GFAP: variants seen among roughly 807,000 people sequenced by gnomAD.
GFAP encodes the protein intermediate filament protein.
GFAP carries 38 observed loss-of-function variants against 49.3 expected under a neutral mutation model. That is an observed-to-expected ratio of 0.77 (90% CI 0.60 to 1.01). GFAP has a LOEUF of 1.01. Ranked by LOEUF, GFAP falls within the 50% of genes least tolerant of loss-of-function variation. The pLI is 0.00. For missense variants in GFAP, 463 were observed against 579.1 expected (o/e 0.80, Z 2.06); for synonymous variants, 222 against 236.4 (o/e 0.94, Z 0.56).
chr17:44,907,561 A>G, intron 8 of GFAP, 173 bp from the exon 9 acceptor site: 1 of 684,638 alleles, frequency 1.5e-6, no homozygotes, highest in Non-Finnish European at 2.7e-6. Flanking sequence ...GTGAGATAAC[A>G]CTGGGAAAGC....
intron 4 of GFAP, chr17:44,912,627 C>T (rs1444566444): frequency 6.3e-6 from 1 of 158,010 alleles, no homozygotes; most frequent in Non-Finnish European, 1.4e-5. Flanking sequence ...ATGGCCCTCC[C>T]TTCTTCTCTT....
At chr17:44,911,647 C>G in intron 5 of GFAP, 25 bp downstream of exon 5, 2 of 1,609,434 alleles carry the variant, frequency 1.2e-6, no homozygotes, top group Non-Finnish European at 8.5e-7. Context: ...TCCGCCCGTC[C>G]CCGTCCTGCC....
Position 44,904,585 on chromosome 17 carries a change from C to G in GFAP, c.*2762G>C. 1 of 1,550,566 alleles carries G rather than the reference C, an allele frequency of 6.4e-7. No homozygotes were observed. Among genetic ancestry groups the G allele is most frequent in the Non-Finnish European group, 8.7e-7 (1 of 1,146,986 alleles). ...AGAAGACAAAGACCATCCGGGAGGG[C>G]GTGCTGGCCATCATTAACTATGTGT... On this transcript the variant is annotated 3_prime_UTR_variant, in exon 9 of 9. Coordinates refer to ENST00000588735, the MANE Select transcript of GFAP (RefSeq NM_002055.5).
chr17:44,911,526 C>T, intron 5 of GFAP, 70 bp from the exon 6 acceptor site: 3 of 1,542,530 alleles, frequency 1.9e-6, no homozygotes, highest in Non-Finnish European at 2.6e-6. Context: ...GCCCGGCCCC[C>T]GGCCCCAGGC....
intron 1 of GFAP, 147 bp from the exon 2 acceptor site, chr17:44,914,235 A>C: frequency 1.6e-6 from 1 of 639,494 alleles, no homozygotes; most frequent in Non-Finnish European, 2.8e-6. Flanking sequence ...GGGGGGCCTT[A>C]GACAGAGGAC....
At chr17:44,912,626 CCTT>C (rs1401336507) in intron 4 of GFAP, 2 of 157,874 alleles carry the variant, frequency 1.3e-5, no homozygotes, top group Non-Finnish European at 2.8e-5. Flanking sequence ...AATGGCCCTC[CCTT>C]CTTCTCTTCC....
rs751465158 is a variant in GFAP, at chr17:44,911,382, C to G, written c.981G>C (p.Ala327=). 6 of 1,613,946 alleles carry G rather than the reference C, an allele frequency of 3.7e-6. No homozygotes were observed. In the African/African-American group the frequency reaches 8.0e-5, roughly 22 times the overall value. The change falls in exon 6 of 9, where the codon GCG becomes GCC. Residue 327 remains alanine (A), a synonymous_variant. Transcript: ENST00000588735. ...GCCCCTCTTCCTCCAGCCGCGCCAG[C>G]GCCTCCTGATAACTGGCCGCCTCCC... The part of the protein sequence containing the change: ...HVREAASYQE[A]LARLEEEGQS...
intron 1 of GFAP, 162 bp downstream of exon 1, chr17:44,914,864 T>C (rs1833944887): frequency 1.5e-6 from 1 of 652,310 alleles, no homozygotes; most frequent in Admixed American, 2.7e-5. Context: ...CTGTTTCTGG[T>C]CCCTCCCATC....
intron 8 of GFAP, chr17:44,907,659 C>T: frequency 1.7e-6 from 1 of 581,214 alleles, no homozygotes; most frequent in Non-Finnish European, 3.1e-6. Context: ...TACGCCAAAT[C>T]CCCTCTTCCC....
chr17:44,903,419 C>T lies in GFAP; in HGVS notation c.*3928G>A. ...CAGGAGGGTGGGTTTCCTTCATCCC[C>T]CAGGTTGATGAAAGACTTTTCCACC... is the stretch of plus-strand genomic sequence containing the variant. On this transcript the variant is annotated 3_prime_UTR_variant, in exon 9 of 9. Coordinates refer to ENST00000588735, the MANE Select transcript of GFAP (RefSeq NM_002055.5). The T allele has an allele frequency of 8.0e-7, 1 of 1,252,504 alleles. No homozygotes were observed. The allele number at this position is 1,252,504 out of a possible 1,614,324, so 77.6% of individuals were successfully genotyped here. A position where few individuals can be genotyped will look rare whatever the true frequency, so the allele number is the denominator to read the frequency against.
Position 44,903,847 on chromosome 17 carries a change from C to T in GFAP, c.*3500G>A. On this transcript the variant is annotated 3_prime_UTR_variant, in exon 9 of 9. Transcript: ENST00000588735. ...CTTCAGGTATGCACCTGGCCCTCAC[C>T]ACTGTGCTCCTGTGGGCATGGGGGC... 1 of 1,546,446 alleles carries T rather than the reference C, an allele frequency of 6.5e-7. No homozygotes were observed. Among genetic ancestry groups the T allele is most frequent in the Non-Finnish European group, 8.7e-7 (1 of 1,145,324 alleles).
In GFAP at chr17:44,904,308, A is replaced by T; in HGVS notation, c.*3039T>A. Reference sequence around the variant, plus strand: ...GACAAGGGCCAGGAGCCCTTTGCAGATGAATACTATGGGCACCTCCATGTC... The same window carrying T: ...GACAAGGGCCAGGAGCCCTTTGCAGTTGAATACTATGGGCACCTCCATGTC... On this transcript the variant is annotated 3_prime_UTR_variant, in exon 9 of 9. Coordinates refer to ENST00000588735, the MANE Select transcript of GFAP (RefSeq NM_002055.5). 1 of 1,546,792 alleles carries T rather than the reference A, an allele frequency of 6.5e-7. No homozygotes were observed. Among genetic ancestry groups the T allele is most frequent in the Non-Finnish European group, 8.7e-7 (1 of 1,145,014 alleles).
At chr17:44,908,311 C>T in intron 7 of GFAP, 162 bp from the exon 8 acceptor site, 1 of 594,430 alleles carries the variant, frequency 1.7e-6, no homozygotes, top group East Asian at 2.8e-5. Flanking sequence ...CTGGAGAGCC[C>T]CCAAATCCCA....
chr17:44,914,566 C>G (rs952091923), intron 1 of GFAP: 2 of 219,786 alleles, frequency 9.1e-6, no homozygotes, highest in African/African-American at 4.6e-5. Context: ...TGGTGGCAGG[C>G]AGTCACCTGT....
Position 44,913,709 on chromosome 17 carries a change from C to T in GFAP, c.618+19G>A. 1 of 1,573,418 alleles carries T rather than the reference C, an allele frequency of 6.4e-7. No homozygotes were observed. Among genetic ancestry groups the T allele is most frequent in the Non-Finnish European group, 8.8e-7 (1 of 1,142,784 alleles). On this transcript the variant is annotated intron_variant, in intron 3 of 8. Coordinates refer to ENST00000588735, the MANE Select transcript of GFAP (RefSeq NM_002055.5). Reference sequence around the variant, plus strand: ...TGCAATCTCTGTGTTGAGCTTTCCTCCCTCTGCCCTGGCCTCACCTCCTCG... The same window carrying T: ...TGCAATCTCTGTGTTGAGCTTTCCTTCCTCTGCCCTGGCCTCACCTCCTCG...
intron 6 of GFAP, 104 bp downstream of exon 6, chr17:44,911,132 A>T (rs1240337992): frequency 2.5e-5 from 25 of 999,090 alleles, no homozygotes; most frequent in Non-Finnish European, 3.7e-5. Context: ...GTGGGAAGGG[A>T]TCTGCACACA....
At chr17:44,912,129 T>C (rs2051788811) in intron 4 of GFAP, among the ~76,000 whole-genome samples, 1 of 152,030 alleles carries the variant, frequency 6.6e-6, no homozygotes, top group Non-Finnish European at 1.5e-5. Flanking sequence ...TTTGTTTTTT[T>C]TGTTTTATTT....
In GFAP at chr17:44,915,228, C is replaced by A. The variant is rs267607518; in HGVS notation, c.259G>T (p.Val87Phe). 2.5e-6 allele frequency: 4 copies of A among 1,614,258 alleles called. No individual in the cohort carries two copies. The highest frequency in any genetic ancestry group is 2.5e-6 in the Non-Finnish European group (3 of 1,180,054). Residue 87 changes from valine to phenylalanine, a missense_variant, in exon 1 of 9, where the codon GTT (valine) becomes TTT (phenylalanine). Val to Phe is a conservative substitution (Grantham distance 50, BLOSUM62 -1). Coordinates refer to ENST00000588735, the MANE Select transcript of GFAP (RefSeq NM_002055.5). The surrounding 1 kb of genome is among the most constrained non-coding windows in gnomAD (Gnocchi z 4.1). ...TTGTTTTGCTGTTCCAGGAAGCGAA[C>A]CTTCTCGATGTAGCTGGCAAAGCGG... ...NDRFASYIEK[V>F]RFLEQQNKAL...
chr17:44,914,885 G>A lies in GFAP; in HGVS notation c.461+141C>T, dbSNP rs1034209416. The A allele has an allele frequency of 8.4e-6, 6 of 710,838 alleles. No homozygotes were observed. In the South Asian group the frequency reaches 8.7e-5, roughly 10 times the overall value. The allele number at this position is 710,838 out of a possible 1,614,324, so 44.0% of individuals were successfully genotyped here. A position where few individuals can be genotyped will look rare whatever the true frequency, so the allele number is the denominator to read the frequency against. ...CTGGTCCCTCCCATCATGTTGGGGG[G>A]CAAGGATAGTGCCCCATCAAGAGGT... On this transcript the variant is annotated intron_variant, in intron 1 of 8. Coordinates refer to ENST00000588735, the MANE Select transcript of GFAP (RefSeq NM_002055.5).
Sources: gnomAD v4.1 joint callset for allele counts (sites outside exome capture counted in the v4.1 genomes callset) on GRCh38, gnomAD v4.1.1 for gene constraint, Gnocchi (gnomAD v3.1) non-coding constraint, MANE v1.5 for transcripts, NCBI Gene and HGNC (gene_info 2026-07-23, HGNC 2026-07-21) for gene names.